Variants in XKR4 observed in about 807,000 individuals in gnomAD.
The protein encoded by XKR4 is XK related 4, also known as XK-related protein 4.
Under a neutral mutation model 53.9 loss-of-function variants are expected in XKR4, and 12 were observed. That is an observed-to-expected ratio of 0.22 (90% CI 0.14 to 0.36). XKR4 has a LOEUF of 0.36. Among genes scored for constraint, XKR4 ranks in the 10% least tolerant of loss-of-function variants. The pLI, the probability that XKR4 is intolerant of heterozygous loss-of-function variation, is 1.00. For missense variants in XKR4, 799 were observed against 859.5 expected (o/e 0.93, Z 0.88); for synonymous variants, 354 against 362.4 (o/e 0.98, Z 0.26).
intron 1 of XKR4, among the ~76,000 whole-genome samples, chr8:55,288,649 CT>C (rs1333404961): frequency 3.3e-5 from 5 of 152,090 alleles, no homozygotes; most frequent in Non-Finnish European, 5.9e-5. Context: ...ATTTTTAATA[CT>C]TTTTTTAATT....
intron 1 of XKR4, among the ~76,000 whole-genome samples, chr8:55,244,004 GA>G (rs1477863032): frequency 6.6e-6 from 1 of 152,120 alleles, no homozygotes; most frequent in African/African-American, 2.4e-5. Context: ...GGCTACTTTT[GA>G]AAAAACCAAA....
chr8:55,303,230 A>T (rs542672094), intron 1 of XKR4, among the ~76,000 whole-genome samples: 8 of 152,134 alleles, frequency 5.3e-5, no homozygotes, highest in Middle Eastern at 6.8e-3. Flanking sequence ...TTGTCAAAGG[A>T]CTTTTCTGCA....
chr8:55,367,683 G>A (rs2979053), intron 2 of XKR4, among the ~76,000 whole-genome samples: 11,857 of 152,202 alleles, frequency 0.078, 625 homozygotes, highest in South Asian at 0.12. Flanking sequence ...GTATCTCAAC[G>A]TGACTTTAAT....
At chr8:55,341,822 A>T (rs934491114) in intron 1 of XKR4, among the ~76,000 whole-genome samples, 2 of 151,852 alleles carry the variant, frequency 1.3e-5, no homozygotes, top group Non-Finnish European at 2.9e-5. Flanking sequence ...GGGCCGCCTG[A>T]TGTATTTAAG....
chr8:55,121,201 C>T (rs1233904843), intron 1 of XKR4, among the ~76,000 whole-genome samples: 2 of 152,184 alleles, frequency 1.3e-5, no homozygotes, highest in Non-Finnish European at 2.9e-5. Context: ...TTTGTGTGGA[C>T]ATAAGTTTTC....
intron 1 of XKR4, among the ~76,000 whole-genome samples, chr8:55,168,089 AAAT>A (rs2129358089): frequency 6.6e-6 from 1 of 152,354 alleles, no homozygotes; most frequent in African/African-American, 2.4e-5. Context: ...GATTCTTTAA[AAAT>A]AATAATCATT....
At chr8:55,402,099 G>T (rs1033652131) in intron 2 of XKR4, among the ~76,000 whole-genome samples, 3 of 152,162 alleles carry the variant, frequency 2.0e-5, no homozygotes, top group African/African-American at 7.2e-5. Context: ...GCAGTAGGTA[G>T]CCTCTAGAAA....
chr8:55,454,203 G>A, intron 2 of XKR4: 2 of 1,045,384 alleles, frequency 1.9e-6, no homozygotes, highest in East Asian at 2.4e-5. Context: ...TCTAGCAAGG[G>A]TGGAATGTGC....
At chr8:55,296,632 A>G (rs1819104809) in intron 1 of XKR4, among the ~76,000 whole-genome samples, 1 of 152,162 alleles carries the variant, frequency 6.6e-6, no homozygotes, top group African/African-American at 2.4e-5. Context: ...ACAACAAGGA[A>G]CCAATTATGC....
rs1416304640 is a variant in XKR4 at position 55,304,309 on chromosome 8, GA to G, written c.807-53368del. Reference sequence around the variant, plus strand: ...AGTTTCCATGTAGTTGAGCGGTTTTGAGTGAGTTTCTTAATCCTGAGTTCTA... The same window carrying G: ...AGTTTCCATGTAGTTGAGCGGTTTTGGTGAGTTTCTTAATCCTGAGTTCTA... On this transcript the variant is annotated intron_variant, in intron 1 of 2. Transcript: ENST00000327381. Among the ~76,000 whole-genome samples, 4 of 152,292 alleles carry G rather than the reference GA, an allele frequency of 2.6e-5. No homozygotes were observed. In the East Asian group the frequency reaches 5.8e-4, roughly 22 times the overall value.
chr8:55,212,563 C>G (rs1415171908), intron 1 of XKR4, among the ~76,000 whole-genome samples: 1 of 152,140 alleles, frequency 6.6e-6, no homozygotes, highest in Admixed American at 6.6e-5. Context: ...CCCATCATGG[C>G]CTAAACTAGT....
chr8:55,336,422 G>A (rs999119399), intron 1 of XKR4, among the ~76,000 whole-genome samples: 1 of 152,116 alleles, frequency 6.6e-6, no homozygotes, highest in African/African-American at 2.4e-5. Flanking sequence ...GTCTTTATCA[G>A]CAACATGAAA....
At position 55,537,174 on chromosome 8, in the gene XKR4, T is replaced by G. The variant is rs1395578356; in HGVS notation, c.*12947T>G. On this transcript the variant is annotated 3_prime_UTR_variant, in exon 3 of 3. Coordinates refer to ENST00000327381, the MANE Select transcript of XKR4 (RefSeq NM_052898.2). ...ATGCCAATTTCCAAGCACCAACTGGTTACCACAAACATGGGAATATTTAGT... is the reference window on the plus strand; with the variant it reads ...ATGCCAATTTCCAAGCACCAACTGGGTACCACAAACATGGGAATATTTAGT... 2 of 152,226 alleles carry G rather than the reference T, an allele frequency of 1.3e-5. No homozygotes were observed. The highest frequency in any genetic ancestry group is 1.5e-5 in the Non-Finnish European group (1 of 68,030). 9.4% of individuals were successfully genotyped at this position (152,226 alleles called of 1,614,324 possible).
chr8:55,146,364 C>G (rs2129354917), intron 1 of XKR4, among the ~76,000 whole-genome samples: 1 of 152,270 alleles, frequency 6.6e-6, no homozygotes, highest in South Asian at 2.1e-4. Flanking sequence ...AAAGAATGTT[C>G]TTACATATAA....
chr8:55,253,042 C>T (rs377526647), intron 1 of XKR4, among the ~76,000 whole-genome samples: 13 of 152,106 alleles, frequency 8.5e-5, no homozygotes, highest in East Asian at 5.8e-4. Flanking sequence ...GATATGATAC[C>T]GGAAAGCACA....
chr8:55,488,163 C>A (rs1806222539), intron 2 of XKR4, among the ~76,000 whole-genome samples: 5 of 152,174 alleles, frequency 3.3e-5, no homozygotes, highest in Admixed American at 2.0e-4. Context: ...CAATGAGTTA[C>A]TCCTACACAC....
intron 1 of XKR4, among the ~76,000 whole-genome samples, chr8:55,240,115 G>T (rs1330881692): frequency 1.3e-5 from 2 of 152,144 alleles, no homozygotes; most frequent in African/African-American, 4.8e-5. Context: ...CCAGCATCTG[G>T]CACAGTGCCT....
chr8:55,275,108 T>G (rs1035597254), intron 1 of XKR4, among the ~76,000 whole-genome samples: 7 of 152,186 alleles, frequency 4.6e-5, no homozygotes, highest in Non-Finnish European at 8.8e-5. Flanking sequence ...TACAAAATAT[T>G]TAGAAAGTAG....
chr8:55,142,071 C>T (rs1472164331), intron 1 of XKR4: 1 of 455,908 alleles, frequency 2.2e-6, no homozygotes, highest in African/African-American at 2.0e-5. Flanking sequence ...TTGCAGCCTC[C>T]CTGGTGACTT....
Sources: allele counts gnomAD v4.1 joint callset (sites outside exome capture counted in the v4.1 genomes callset), GRCh38; gene constraint gnomAD v4.1.1; transcripts MANE v1.5; gene names NCBI Gene and HGNC (gene_info 2026-07-23, HGNC 2026-07-21).